Variants in DNAH8 observed in about 807,000 individuals in gnomAD.
DNAH8 encodes axonemal beta dynein heavy chain 8.
DNAH8 carries 382 observed loss-of-function variants against 562.1 expected under a neutral mutation model. That is an observed-to-expected ratio of 0.68 (90% CI 0.63 to 0.74). DNAH8 has a LOEUF of 0.74. Among genes scored for constraint, DNAH8 ranks in the 30% least tolerant of loss-of-function variants. The pLI, the probability that DNAH8 is intolerant of heterozygous loss-of-function variation, is 0.00. For missense variants in DNAH8, 5,203 were observed against 5,620.4 expected, an observed-to-expected ratio of 0.93 and a Z score of 2.37; for synonymous variants, 1,881 against 1,919.4, an observed-to-expected ratio of 0.98 and a Z score of 0.52.
chr6:38,803,986 T>C (rs1451658125), intron 22 of DNAH8, among the ~76,000 whole-genome samples: 1 of 152,212 alleles, frequency 6.6e-6, no homozygotes, highest in African/African-American at 2.4e-5. Context: ...GCCCACACCC[T>C]CATAACCTTC....
intron 5 of DNAH8, among the ~76,000 whole-genome samples, chr6:38,736,597 T>G (rs1764106992): frequency 6.6e-6 from 1 of 152,190 alleles, no homozygotes; most frequent in Non-Finnish European, 1.5e-5. Flanking sequence ...CTAAGTCACT[T>G]AAGATGTATC....
intron 88 of DNAH8, among the ~76,000 whole-genome samples, chr6:38,991,201 C>T (rs1764760432): frequency 1.3e-5 from 2 of 152,208 alleles, no homozygotes; most frequent in Non-Finnish European, 1.5e-5. Flanking sequence ...CCTCTTTACA[C>T]CCACCTTGAT....
chr6:38,896,266 C>A, intron 60 of DNAH8, 41 bp downstream of exon 60: 1 of 1,499,012 alleles, frequency 6.7e-7, no homozygotes, highest in Non-Finnish European at 9.2e-7. Context: ...TCAGATTGCT[C>A]ACCTGACTAG....
In DNAH8 at chr6:38,974,495, T is replaced by C. The variant is rs2150696793; in HGVS notation, c.12800T>C (p.Leu4267Pro). 2 of 1,613,786 alleles carry C rather than the reference T, an allele frequency of 1.2e-6. No individual in the cohort carries two copies. Among genetic ancestry groups the C allele is most frequent in the Non-Finnish European group, 1.7e-6 (2 of 1,179,770 alleles). Residue 4267 changes from leucine (L) to proline (P), a missense_variant, in exon 85 of 93, where the codon CTT becomes CCT. Coordinates refer to ENST00000327475, the MANE Select transcript of DNAH8 (RefSeq NM_001206927.2). ...AATTTACCCATGTGGAAGCCGATGC[T>C]TTACACAGTAGCATTTTTACACTCC... ...ISNLPMWKPMLYTVAFLHSTV... is the reference protein window; with the variant it reads ...ISNLPMWKPMPYTVAFLHSTV...
rs2127595134 is a variant in DNAH8, at chr6:38,750,574, C to T, written c.1392C>T (p.Leu464=). The change falls in exon 9 of 93, where the codon CTC becomes CTT. Residue 464 remains leucine (L), a synonymous_variant. Coordinates refer to ENST00000327475, the MANE Select transcript of DNAH8 (RefSeq NM_001206927.2). ...LYTLEKVCQP[L]YNHDLVSMAH... ...CTTTGGAAAAAGTGTGTCAACCTCT[C>T]TATAACCATGACCTAGTAAGTATGC... The T allele has an allele frequency of 1.9e-6, 3 of 1,599,766 alleles. No homozygotes were observed. The South Asian group carries it at 3.3e-5, about 18-fold the overall frequency.
intron 4 of DNAH8, among the ~76,000 whole-genome samples, chr6:38,731,240 T>C (rs1269227163): frequency 6.6e-6 from 1 of 152,208 alleles, no homozygotes; most frequent in Non-Finnish European, 1.5e-5. Context: ...AAAATATCTA[T>C]AATTAGAAGC....
chr6:38,912,942 T>G (rs1333579346), intron 66 of DNAH8, among the ~76,000 whole-genome samples: 3 of 152,266 alleles, frequency 2.0e-5, no homozygotes, highest in Admixed American at 2.0e-4. Flanking sequence ...CCCAAGTAAC[T>G]GGGATTACAG....
intron 70 of DNAH8, among the ~76,000 whole-genome samples, chr6:38,920,040 A>G (rs1035632609): frequency 6.6e-6 from 1 of 152,228 alleles, no homozygotes; most frequent in African/African-American, 2.4e-5. Flanking sequence ...AATCTAATCA[A>G]GAAGAAAATG....
chr6:38,729,869 C>T (rs1367708659), intron 3 of DNAH8, 33 bp from the exon 4 acceptor site: 5 of 1,146,910 alleles, frequency 4.4e-6, no homozygotes, highest in African/African-American at 1.5e-5. Context: ...TTTCCTTAGT[C>T]GTTTGATTAT....
At chr6:38,863,198 C>A (rs56221318) in intron 44 of DNAH8, among the ~76,000 whole-genome samples, 18,811 of 149,582 alleles carry the variant, frequency 0.13, 1,413 homozygotes, top group Admixed American at 0.22. Flanking sequence ...CTTTGGGAGG[C>A]CGAGGCAGGC....
intron 74 of DNAH8, among the ~76,000 whole-genome samples, chr6:38,929,184 T>C (rs1782340716): frequency 6.6e-6 from 1 of 152,170 alleles, no homozygotes; most frequent in Admixed American, 6.6e-5. Context: ...TGAGCGATTA[T>C]AGCTATGTAA....
At chr6:38,799,979 T>G (rs1293131834) in intron 21 of DNAH8, among the ~76,000 whole-genome samples, 1 of 152,246 alleles carries the variant, frequency 6.6e-6, no homozygotes, top group Non-Finnish European at 1.5e-5. Context: ...AACAATGTCT[T>G]GCCCTGTCAC....
intron 53 of DNAH8, among the ~76,000 whole-genome samples, chr6:38,879,770 T>C (rs1263733744): frequency 2.0e-5 from 3 of 152,100 alleles, no homozygotes; most frequent in African/African-American, 7.2e-5. Context: ...ACAAGTAAAA[T>C]TCTCTTTATT....
intron 36 of DNAH8, among the ~76,000 whole-genome samples, chr6:38,846,214 C>G (rs767703166): frequency 6.6e-6 from 1 of 152,194 alleles, no homozygotes. Context: ...CCATTAGGGG[C>G]TTGGCACTTA....
chr6:38,805,575 T>A lies in DNAH8; in HGVS notation c.3129T>A (p.Asp1043Glu), dbSNP rs573755164. The A allele has an allele frequency of 5.2e-5, 82 of 1,562,082 alleles. No individual in the cohort carries two copies. In the Admixed American group the frequency reaches 1.4e-3, roughly 26 times the overall value. The change falls in exon 23 of 93, where the codon GAT (aspartate) becomes GAA (glutamate). Residue 1043 changes from aspartate to glutamate, a missense_variant. Asp to Glu is a conservative substitution (Grantham distance 45, BLOSUM62 2). This residue lies in a region of DNAH8 where 2,176 missense variants were observed against 2,365.1 expected (regional missense o/e 0.92). Coordinates refer to ENST00000327475, the MANE Select transcript of DNAH8 (RefSeq NM_001206927.2). ...TTGTGAATGAGTTTGATACTCATGA[T>A]AAAGAAGATGAATTTAAAAAGGTAT... Reference protein sequence around the residue: ...ANIVNEFDTHDKEDEFKKECK... With the variant: ...ANIVNEFDTHEKEDEFKKECK...
At chr6:38,971,545 C>A in intron 82 of DNAH8, 47 bp from the exon 83 acceptor site, 4 of 1,155,164 alleles carry the variant, frequency 3.5e-6, no homozygotes, top group Non-Finnish European at 3.7e-6. Context: ...TCTAATCCTG[C>A]TGTAAGAGTT....
chr6:38,784,421 A>G lies in DNAH8; in HGVS notation c.2395+1282A>G, dbSNP rs1008773680. 2.7e-4 allele frequency among the ~76,000 whole-genome samples: 41 copies of G among 152,148 alleles called. 1 individual carries two copies. Among genetic ancestry groups the G allele is most frequent in the Admixed American group, 2.5e-3 (38 of 15,276 alleles). ...TTCTCTTATCTGCACATATTCAAAAACAAGCTCTACAGTCACCTGTTTCAT... is the reference window on the plus strand; with the variant it reads ...TTCTCTTATCTGCACATATTCAAAAGCAAGCTCTACAGTCACCTGTTTCAT... On this transcript the variant is annotated intron_variant, in intron 17 of 92. Coordinates refer to ENST00000327475, the MANE Select transcript of DNAH8 (RefSeq NM_001206927.2).
At position 38,852,781 on chromosome 6, in the gene DNAH8, G is replaced by A. The variant is rs759233853; in HGVS notation, c.5554G>A (p.Glu1852Lys). Residue 1852 changes from glutamate (E) to lysine (K), a missense_variant, in exon 40 of 93, where the codon GAA becomes AAA. Physicochemically the swap from Glu to Lys is moderately conservative, Grantham distance 56. Coordinates refer to ENST00000327475, the MANE Select transcript of DNAH8 (RefSeq NM_001206927.2). ...TCGCATCATGGCCGTCATATCAAGA[G>A]AAGGAGAAAAAATTGTTGTAATTTA... ...YDRIMAVISR[E>K]GEKIVLDNSV... is the part of the protein sequence containing the mutation. 6.2e-7 allele frequency: 1 copy of A among 1,611,980 alleles called. No individual in the cohort carries two copies. Among genetic ancestry groups the A allele is most frequent in the South Asian group, 1.1e-5 (1 of 90,742 alleles).
rs58676305 is a variant in DNAH8, at chr6:38,920,685, C to T, written c.10525-684C>T. On this transcript the variant is annotated intron_variant, in intron 70 of 92. Transcript: ENST00000327475. ...AAGGTTAATTATGATACATCCAACA[C>T]GTAGAATATCATGCAGTCACATAAC... is the stretch of plus-strand genomic sequence containing the variant. Among the ~76,000 whole-genome samples the T allele has an allele frequency of 0.012, 1,780 of 152,032 alleles. 123 individuals carry two copies. The East Asian group carries it at 0.18, about 16-fold the overall frequency.
Sources: gnomAD v4.1 joint callset for allele counts (sites outside exome capture counted in the v4.1 genomes callset) on GRCh38, gnomAD v4.1.1 for gene constraint, gnomAD v4.1.1 regional missense constraint, MANE v1.5 for transcripts, NCBI Gene and HGNC (gene_info 2026-07-23, HGNC 2026-07-21) for gene names.